The following MXI1 variants were observed in gnomAD, a reference collection of about 807,000 sequenced individuals.
The protein encoded by MXI1 is MAX interactor 1, dimerization protein.
In MXI1, 18 loss-of-function variants were observed where a neutral mutation model predicts 36.9. That is an observed-to-expected ratio of 0.49 (90% CI 0.34 to 0.72). MXI1 has a LOEUF of 0.72. Ranked by LOEUF, MXI1 falls within the 30% of genes least tolerant of loss-of-function variation. The pLI, the probability that MXI1 is intolerant of heterozygous loss-of-function variation, is 0.01. For synonymous variants in MXI1, 160 were observed against 146.7 expected (o/e 1.09, Z -0.65); for missense variants, 304 against 379.1 (o/e 0.80, Z 1.64).
intron 1 of MXI1, among the ~76,000 whole-genome samples, chr10:110,211,911 C>T (rs1055829192): frequency 6.6e-6 from 1 of 152,208 alleles, no homozygotes; most frequent in East Asian, 1.9e-4. Context: ...TAATCTCTGA[C>T]ATCATCACCT....
intron 1 of MXI1, among the ~76,000 whole-genome samples, chr10:110,213,443 A>G (rs1026836084): frequency 2.0e-5 from 3 of 152,192 alleles, no homozygotes; most frequent in African/African-American, 7.2e-5. Flanking sequence ...AGTTATGTGA[A>G]GAGCATTCTT....
intron 3 of MXI1, among the ~76,000 whole-genome samples, chr10:110,263,326 C>T (rs1856580020): frequency 1.3e-5 from 2 of 152,152 alleles, no homozygotes; most frequent in Non-Finnish European, 2.9e-5. Context: ...TTCTCCACTC[C>T]TGCTTCAAAG....
intron 1 of MXI1, among the ~76,000 whole-genome samples, chr10:110,217,010 A>G (rs993400273): frequency 1.3e-5 from 2 of 151,890 alleles, no homozygotes. Flanking sequence ...TAATTTCTAC[A>G]GATGTTTTTT....
intron 3 of MXI1, among the ~76,000 whole-genome samples, chr10:110,266,351 G>A (rs138573924): frequency 0.011 from 1,706 of 152,084 alleles, 102 homozygotes; most frequent in Admixed American, 0.094. Context: ...CTCGTGATCC[G>A]CCCACCTCGG....
intron 2 of MXI1, among the ~76,000 whole-genome samples, chr10:110,229,664 A>G (rs1855191902): frequency 6.6e-6 from 1 of 152,162 alleles, no homozygotes; most frequent in Admixed American, 6.5e-5. Flanking sequence ...TTGATGTACT[A>G]TCTGTGTTGT....
intron 3 of MXI1, among the ~76,000 whole-genome samples, chr10:110,251,478 A>C (rs1856084681): frequency 6.6e-6 from 1 of 152,164 alleles, no homozygotes; most frequent in African/African-American, 2.4e-5. Context: ...TTAAGTTACC[A>C]GTAAATGTCT....
intron 3 of MXI1, among the ~76,000 whole-genome samples, chr10:110,269,436 T>C (rs139750748): frequency 6.6e-6 from 1 of 152,368 alleles, no homozygotes; most frequent in East Asian, 1.9e-4. Context: ...ATTCTTTAAA[T>C]GTGCTGTTTT....
intron 3 of MXI1, among the ~76,000 whole-genome samples, chr10:110,274,494 A>G (rs1232285792): frequency 6.6e-6 from 1 of 152,100 alleles, no homozygotes; most frequent in Non-Finnish European, 1.5e-5. Context: ...TTGTTTTACT[A>G]TAACTCATGC....
chr10:110,259,096 CAAAT>C (rs1208282883), intron 3 of MXI1, among the ~76,000 whole-genome samples: 10 of 151,902 alleles, frequency 6.6e-5, no homozygotes, highest in African/African-American at 9.7e-5. Context: ...TAGAAATAAA[CAAAT>C]AAGTCAGACA....
At chr10:110,247,809 T>TTCACTTA (rs1855927316) in intron 3 of MXI1, among the ~76,000 whole-genome samples, 2 of 152,158 alleles carry the variant, frequency 1.3e-5, no homozygotes, top group Non-Finnish European at 2.9e-5. Flanking sequence ...GATCTAGAAC[T>TTCACTTA]AGAAATACCA....
At chr10:110,210,716 A>T (rs1010502593) in intron 1 of MXI1, among the ~76,000 whole-genome samples, 5 of 152,180 alleles carry the variant, frequency 3.3e-5, no homozygotes, top group South Asian at 2.1e-4. Flanking sequence ...GCCTCGTTTT[A>T]TGGGGGGCGC....
chr10:110,220,847 C>T (rs997301465), intron 1 of MXI1, among the ~76,000 whole-genome samples: 1 of 152,226 alleles, frequency 6.6e-6, no homozygotes, highest in Admixed American at 6.5e-5. Flanking sequence ...CAATAACACA[C>T]CGTGGCTGAC....
At chr10:110,245,634 C>G (rs1231564572) in intron 3 of MXI1, 3 of 152,086 alleles carry the variant, frequency 2.0e-5, no homozygotes, top group South Asian at 2.1e-4. Context: ...TCTTGTCTAC[C>G]ATGCCCAAGA....
At chr10:110,269,118 A>G (rs186606974) in intron 3 of MXI1, among the ~76,000 whole-genome samples, 3 of 152,328 alleles carry the variant, frequency 2.0e-5, no homozygotes, top group East Asian at 1.9e-4. Flanking sequence ...CTGGATTGGC[A>G]GATGTCCAGC....
At chr10:110,259,449 C>G (rs1297048494) in intron 3 of MXI1, among the ~76,000 whole-genome samples, 1 of 151,998 alleles carries the variant, frequency 6.6e-6, no homozygotes, top group Non-Finnish European at 1.5e-5. Context: ...TCTTTTGCTG[C>G]ATATTGTAAA....
intron 5 of MXI1, among the ~76,000 whole-genome samples, chr10:110,282,080 T>TG (rs1437658120): frequency 6.6e-6 from 1 of 152,232 alleles, no homozygotes; most frequent in Non-Finnish European, 1.5e-5. Flanking sequence ...ACAGGGAAGG[T>TG]GGGATAAATG....
At chr10:110,210,089 C>G (rs1249421386) in intron 1 of MXI1, 3 of 157,832 alleles carry the variant, frequency 1.9e-5, no homozygotes, top group African/African-American at 2.6e-5. Context: ...TTGTTTACCC[C>G]GTGCCGGGGC....
chr10:110,239,925 C>T (rs1229680213), intron 2 of MXI1, among the ~76,000 whole-genome samples: 1 of 151,952 alleles, frequency 6.6e-6, no homozygotes, highest in African/African-American at 2.4e-5. Context: ...CCCAAGGTAA[C>T]TGCAATTCCA....
chr10:110,285,265 A>T lies in MXI1; in HGVS notation c.*278A>T. ...AGAAAACTTGTGTGAAATTTTCTTG[A>T]TTTGAGTTGATTGAGAAGAGGACAT... is the stretch of plus-strand genomic sequence containing the variant. On this transcript the variant is annotated 3_prime_UTR_variant, in exon 6 of 6. Transcript: ENST00000332674. 3.5e-6 allele frequency: 1 copy of T among 289,588 alleles called. No homozygotes were observed. Among genetic ancestry groups the T allele is most frequent in the Non-Finnish European group, 6.4e-6 (1 of 156,728 alleles). 17.9% of individuals were successfully genotyped at this position (289,588 alleles called of 1,614,324 possible).
Sources: gnomAD v4.1 joint callset for allele counts (sites outside exome capture counted in the v4.1 genomes callset) on GRCh38, gnomAD v4.1.1 for gene constraint, MANE v1.5 for transcripts, NCBI Gene and HGNC (gene_info 2026-07-23, HGNC 2026-07-21) for gene names.